FUCA2: variants seen among roughly 807,000 people sequenced by gnomAD.
The protein encoded by FUCA2 is plasma alpha-L-fucosidase.
In FUCA2, 41 loss-of-function variants were observed where a neutral mutation model predicts 52.6. That is an observed-to-expected ratio of 0.78 (90% confidence interval 0.61 to 1.01). FUCA2 has a LOEUF of 1.01. FUCA2 is among the 50% of genes least tolerant of loss of function. FUCA2 has a pLI of 0.00. For missense variants in FUCA2, 507 were observed against 569.5 expected (o/e 0.89, Z 1.12); for synonymous variants, 211 against 217.3 (o/e 0.97, Z 0.26).
intron 1 of FUCA2, among the ~76,000 whole-genome samples, chr6:143,508,004 C>T (rs578081307): frequency 6.6e-6 from 1 of 152,284 alleles, no homozygotes; most frequent in East Asian, 1.9e-4. Context: ...TAAATCACAA[C>T]ATGTAGTATA....
rs1780675938 is a variant in FUCA2 at position 143,511,068 on chromosome 6, T to TGA, written c.224+341_224+342dup. Among the ~76,000 whole-genome samples the TGA allele has an allele frequency of 6.6e-6, 1 of 152,218 alleles. No homozygotes were observed. Among genetic ancestry groups the TGA allele is most frequent in the African/African-American group, 2.4e-5 (1 of 41,454 alleles). ...CATTGTGCCTGAGTCACCGCTCGTG[T>TGA]GATGCCCCTGCACAAACTGATGAAT... On this transcript the variant is annotated intron_variant, in intron 1 of 6. Transcript: ENST00000002165. This position sits in a 1 kb window ranked among gnomAD's most constrained non-coding sequence, Gnocchi z 6.3.
At chr6:143,505,999 CA>C (rs1312723141) in intron 2 of FUCA2, 1 of 152,100 alleles carries the variant, frequency 6.6e-6, no homozygotes, top group East Asian at 1.9e-4. Context: ...ATCAGGAAAT[CA>C]GCATGTTCTC....
rs758308714 is a variant in FUCA2, at chr6:143,511,363, G to C, written c.224+48C>G. 64 of 1,521,894 alleles carry C rather than the reference G, an allele frequency of 4.2e-5. No individual in the cohort carries two copies. The highest frequency in any genetic ancestry group is 5.6e-5 in the Non-Finnish European group (63 of 1,121,216). 94.3% of individuals were successfully genotyped at this position (1,521,894 alleles called of 1,614,324 possible). The stretch of plus-strand genomic sequence containing the variant: ...CCGCTGGGTGGTGGCTGGAGGCTGC[G>C]GGTGGGGACAAAAGCGCGGCAGACG... On this transcript the variant is annotated intron_variant, in intron 1 of 6. Coordinates refer to ENST00000002165, the MANE Select transcript of FUCA2 (RefSeq NM_032020.5). This position sits in a 1 kb window ranked among gnomAD's most constrained non-coding sequence, Gnocchi z 6.3.
rs1181100063 is a variant in FUCA2, at chr6:143,499,111, G to A, written c.1155-1614C>T. ...TTTAAAACTCAGGATTTCAGTTTTG[G>A]ATGTACAGGTCTAAGATGCTATGCA... On this transcript the variant is annotated intron_variant, in intron 5 of 6. Coordinates refer to ENST00000002165, the MANE Select transcript of FUCA2 (RefSeq NM_032020.5). The surrounding 1 kb of genome is among the most constrained non-coding windows in gnomAD (Gnocchi z 6.0). Among the ~76,000 whole-genome samples, 1 of 152,210 alleles carries A rather than the reference G, an allele frequency of 6.6e-6. No individual in the cohort carries two copies. Among genetic ancestry groups the A allele is most frequent in the Non-Finnish European group, 1.5e-5 (1 of 68,040 alleles).
chr6:143,498,922 T>A (rs1780498727), intron 5 of FUCA2, among the ~76,000 whole-genome samples: 1 of 151,944 alleles, frequency 6.6e-6, no homozygotes, highest in Non-Finnish European at 1.5e-5. Flanking sequence ...TCTGAATATA[T>A]TTCAAAGATG....
rs928061562 is a variant in FUCA2, at chr6:143,511,697, C to A, written c.-63G>T. ...CGCGGCCTCGGGAGCGCTGTTCTTCCGTCTCTGCCGCTGAGTATGCCGCGC... is the reference window on the plus strand; with the variant it reads ...CGCGGCCTCGGGAGCGCTGTTCTTCAGTCTCTGCCGCTGAGTATGCCGCGC... On this transcript the variant is annotated 5_prime_UTR_variant, in exon 1 of 7. Coordinates refer to ENST00000002165, the MANE Select transcript of FUCA2 (RefSeq NM_032020.5). The surrounding 1 kb of genome is among the most constrained non-coding windows in gnomAD (Gnocchi z 6.3). 23 of 1,375,564 alleles carry A rather than the reference C, an allele frequency of 1.7e-5. No individual in the cohort carries two copies. The highest frequency in any genetic ancestry group is 5.8e-5 in the Admixed American group (2 of 34,706). 85.2% of individuals were successfully genotyped at this position (1,375,564 alleles called of 1,614,324 possible).
Position 143,504,402 on chromosome 6 carries a change from G to T in FUCA2, c.413-150C>A, listed in dbSNP as rs1780572882. ...ACTGTTTTATGGCCATTTTTTCATAGCATATATTGTGCTTTTATATGAGAA... is the reference window on the plus strand; with the variant it reads ...ACTGTTTTATGGCCATTTTTTCATATCATATATTGTGCTTTTATATGAGAA... On this transcript the variant is annotated intron_variant, in intron 2 of 6. Coordinates refer to ENST00000002165, the MANE Select transcript of FUCA2 (RefSeq NM_032020.5). The surrounding 1 kb of genome is among the most constrained non-coding windows in gnomAD (Gnocchi z 4.4). The T allele has an allele frequency of 1.5e-6, 1 of 673,904 alleles. No individual in the cohort carries two copies. The highest frequency in any genetic ancestry group is 3.0e-5 in the Admixed American group (1 of 33,676). The allele number at this position is 673,904 out of a possible 1,614,324, so 41.7% of individuals were successfully genotyped here. A position where few individuals can be genotyped will look rare whatever the true frequency, so the allele number is the denominator to read the frequency against.
Position 143,511,301 on chromosome 6 carries a change from G to A in FUCA2, c.224+110C>T. On this transcript the variant is annotated intron_variant, in intron 1 of 6. Transcript: ENST00000002165. The surrounding 1 kb of genome is among the most constrained non-coding windows in gnomAD (Gnocchi z 6.3). ...GGGTAACGCAGTGGGAGGTGAAACC[G>A]ACGAGGGTGCAGGCAGCACCAGGCG... The A allele has an allele frequency of 4.0e-6, 4 of 997,046 alleles. No individual in the cohort carries two copies. Among genetic ancestry groups the A allele is most frequent in the Non-Finnish European group, 5.7e-6 (4 of 699,224 alleles). The allele number at this position is 997,046 out of a possible 1,614,324, so 61.8% of individuals were successfully genotyped here.
rs916804800 is a variant in FUCA2 at position 143,504,084 on chromosome 6, T to C, written c.581A>G (p.Asp194Gly). 5 of 1,614,028 alleles carry C rather than the reference T, an allele frequency of 3.1e-6. No individual in the cohort carries two copies. Among genetic ancestry groups the C allele is most frequent in the Non-Finnish European group, 4.2e-6 (5 of 1,180,036 alleles). Residue 194 changes from aspartate to glycine, a missense_variant, in exon 3 of 7, where the codon GAT (aspartate) becomes GGT (glycine). By Grantham distance (94) the Asp-to-Gly change is moderately conservative. Transcript: ENST00000002165. The surrounding 1 kb of genome is among the most constrained non-coding windows in gnomAD (Gnocchi z 4.4). ...FEWFHPLFLE[D>G]ESSSFHKRQF... ...CCGCTTATGGAATGAACTGGATTCA[T>C]CCTCAAGGAAGAGCGGATGAAACCA...
rs945401105 is a variant in FUCA2 at position 143,510,470 on chromosome 6, T to C, written c.224+941A>G. ...GGCTAACATGGCAAAACCCCGTTTC[T>C]ACTAAAAAATACAAAAAAATTGGCC... On this transcript the variant is annotated intron_variant, in intron 1 of 6. Transcript: ENST00000002165. The surrounding 1 kb of genome is among the most constrained non-coding windows in gnomAD (Gnocchi z 4.4). Among the ~76,000 whole-genome samples the C allele has an allele frequency of 2.0e-5, 3 of 151,938 alleles. No individual in the cohort carries two copies. The highest frequency in any genetic ancestry group is 4.4e-5 in the Non-Finnish European group (3 of 67,986).
Position 143,503,622 on chromosome 6 carries a change from G to A in FUCA2, c.752+291C>T. The A allele has an allele frequency of 3.3e-6, 1 of 307,348 alleles. No homozygotes were observed. Among genetic ancestry groups the A allele is most frequent in the Non-Finnish European group, 6.0e-6 (1 of 165,448 alleles). The allele number at this position is 307,348 out of a possible 1,614,324, so 19.0% of individuals were successfully genotyped here. ...ATAGAGGCCATAAAGGACCAGGGTA[G>A]GAGAGAAAAAGGGGGGACCCACAAA... On this transcript the variant is annotated intron_variant, in intron 3 of 6. Transcript: ENST00000002165. The surrounding 1 kb of genome is among the most constrained non-coding windows in gnomAD (Gnocchi z 4.8).
chr6:143,511,442 A>T lies in FUCA2; in HGVS notation c.193T>A (p.Ser65Thr). Residue 65 changes from serine (S) to threonine (T), a missense_variant, in exon 1 of 7, where the codon TCC becomes ACC. Physicochemically the swap from Ser to Thr is moderately conservative, Grantham distance 58 (BLOSUM62 1). Coordinates refer to ENST00000002165, the MANE Select transcript of FUCA2 (RefSeq NM_032020.5). The surrounding 1 kb of genome is among the most constrained non-coding windows in gnomAD (Gnocchi z 6.3). The stretch of plus-strand genomic sequence containing the variant: ...CACTCGCTACCGAAGCTGGGCACGG[A>T]AAACACTCCCCAGTGGATGAAGATG... ...FGIFIHWGVF[S>T]VPSFGSEWFW... is the part of the protein sequence containing the mutation. 6.2e-7 allele frequency: 1 copy of T among 1,611,780 alleles called. No homozygotes were observed. The highest frequency in any genetic ancestry group is 8.5e-7 in the Non-Finnish European group (1 of 1,178,912).
At position 143,497,620 on chromosome 6, in the gene FUCA2, A is replaced by G; in HGVS notation, c.1155-123T>C. The G allele has an allele frequency of 1.7e-6, 1 of 572,770 alleles. No homozygotes were observed. Among genetic ancestry groups the G allele is most frequent in the Non-Finnish European group, 3.1e-6 (1 of 326,530 alleles). The allele number at this position is 572,770 out of a possible 1,614,324, so 35.5% of individuals were successfully genotyped here. A position where few individuals can be genotyped will look rare whatever the true frequency, so the allele number is the denominator to read the frequency against. On this transcript the variant is annotated intron_variant, in intron 5 of 6. Transcript: ENST00000002165. The surrounding 1 kb of genome is among the most constrained non-coding windows in gnomAD (Gnocchi z 5.3). ...ACTTCCACAATGTCACCACTAATAG[A>G]AGGGAAGGAAAAATAGCCTCATGGT...
rs1780625904 is a variant in FUCA2 at position 143,507,595 on chromosome 6, C to T, written c.225-171G>A. ...AAGATAGCTTATGCAAACTAAACCC[C>T]CTCTCATTTTCCACCTATCCCCCTG... On this transcript the variant is annotated intron_variant, in intron 1 of 6. Coordinates refer to ENST00000002165, the MANE Select transcript of FUCA2 (RefSeq NM_032020.5). The surrounding 1 kb of genome is among the most constrained non-coding windows in gnomAD (Gnocchi z 4.5). Among the ~76,000 whole-genome samples, 1 of 152,040 alleles carries T rather than the reference C, an allele frequency of 6.6e-6. No individual in the cohort carries two copies. The highest frequency in any genetic ancestry group is 1.5e-5 in the Non-Finnish European group (1 of 68,022).
At chr6:143,506,334 A>G (rs56806297) in intron 2 of FUCA2, 6,848 of 151,470 alleles carry the variant, frequency 0.045, 401 homozygotes, top group African/African-American at 0.12. Flanking sequence ...GAGACATACC[A>G]CTACGCTAAT....
At position 143,507,317 on chromosome 6, in the gene FUCA2, A is replaced by T; in HGVS notation, c.332T>A (p.Phe111Tyr). The change falls in exon 2 of 7, where the codon TTT becomes TAT. Residue 111 changes from phenylalanine to tyrosine, a missense_variant. By Grantham distance (22) the Phe-to-Tyr change is conservative (BLOSUM62 3). Coordinates refer to ENST00000002165, the MANE Select transcript of FUCA2 (RefSeq NM_032020.5). The surrounding 1 kb of genome is among the most constrained non-coding windows in gnomAD (Gnocchi z 4.5). ...ATCTGCCCACTGGTTGGCATTAAAAAATTTTGCTGTAAATAGTGGTCCAAA... is the reference window on the plus strand; with the variant it reads ...ATCTGCCCACTGGTTGGCATTAAAATATTTTGCTGTAAATAGTGGTCCAAA... ...EDFGPLFTAK[F>Y]FNANQWADIF... 1 of 1,610,624 alleles carries T rather than the reference A, an allele frequency of 6.2e-7. No homozygotes were observed. Among genetic ancestry groups the T allele is most frequent in the South Asian group, 1.1e-5 (1 of 89,868 alleles).
chr6:143,502,025 C>T lies in FUCA2; in HGVS notation c.1061G>A (p.Arg354Lys), dbSNP rs778181384. 7.4e-6 allele frequency: 12 copies of T among 1,613,756 alleles called. No individual in the cohort carries two copies. Among genetic ancestry groups the T allele is most frequent in the Admixed American group, 1.7e-5 (1 of 59,942 alleles). Residue 354 changes from arginine (R) to lysine (K), a missense_variant, in exon 5 of 7, where the codon AGG (arginine) becomes AAG (lysine). Transcript: ENST00000002165. This position sits in a 1 kb window ranked among gnomAD's most constrained non-coding sequence, Gnocchi z 4.1. Reference sequence around the variant, plus strand: ...GACTTTTAGCCAGGACCCCATTTGCCTCAGTCGCTCCTCAAAAACTACAGA... The same window carrying T: ...GACTTTTAGCCAGGACCCCATTTGCTTCAGTCGCTCCTCAAAAACTACAGA... The part of the protein sequence containing the change: ...TISVVFEERL[R>K]QMGSWLKVNG...
In FUCA2 at chr6:143,497,539, A is replaced by T. The variant is rs535701108; in HGVS notation, c.1155-42T>A. 7.5e-6 allele frequency: 8 copies of T among 1,062,274 alleles called. No homozygotes were observed. The South Asian group carries it at 9.3e-5, about 12-fold the overall frequency. The allele number at this position is 1,062,274 out of a possible 1,614,324, so 65.8% of individuals were successfully genotyped here. On this transcript the variant is annotated intron_variant, in intron 5 of 6. Transcript: ENST00000002165. This position sits in a 1 kb window ranked among gnomAD's most constrained non-coding sequence, Gnocchi z 5.3. ...AATAAAGAGCATAGTAGCAAGTTAC[A>T]TCCCATGTTTCTCACTATTTATGGA... is the stretch of plus-strand genomic sequence containing the variant.
rs72992630 is a variant in FUCA2 at position 143,502,390 on chromosome 6, T to G, written c.928A>C (p.Ile310Leu). ...LSWGYRREAG[I>L]SDYLTIEELV... ...TCTTCAATTGTAAGATAGTCAGAGA[T>G]TCCAGCTTCCCTCCTATAGCCCCAG... The change falls in exon 4 of 7, where the codon ATC becomes CTC. Residue 310 changes from isoleucine to leucine, a missense_variant. By Grantham distance (5) the Ile-to-Leu change is conservative (BLOSUM62 2). Transcript: ENST00000002165. This position sits in a 1 kb window ranked among gnomAD's most constrained non-coding sequence, Gnocchi z 4.1. 9.1e-3 allele frequency: 14,697 copies of G among 1,614,016 alleles called. 97 individuals are homozygous for G. The highest frequency in any genetic ancestry group is 0.01 in the Non-Finnish European group (12,126 of 1,179,916).
Sources: allele counts gnomAD v4.1 joint callset (sites outside exome capture counted in the v4.1 genomes callset), GRCh38; gene constraint gnomAD v4.1.1; non-coding constraint Gnocchi (gnomAD v3.1); transcripts MANE v1.5; gene names NCBI Gene and HGNC (gene_info 2026-07-23, HGNC 2026-07-21).